The following FNDC1 variants were observed in gnomAD, a reference collection of about 807,000 sequenced individuals.
FNDC1 encodes the protein fibronectin type III domain containing 1.
Under a neutral mutation model 168.0 loss-of-function variants are expected in FNDC1, and 96 were observed. That is an observed-to-expected ratio of 0.57 (90% CI 0.48 to 0.68). The LOEUF is 0.68. Ranked by LOEUF, FNDC1 falls within the 30% of genes least tolerant of loss-of-function variation. The pLI is 0.00. For missense variants in FNDC1, 2,587 were observed against 2,482.1 expected (o/e 1.04, Z -0.90); for synonymous variants, 1,099 against 1,025.9 (o/e 1.07, Z -1.36).
chr6:159,190,949 T>C (rs1398189004), intron 1 of FNDC1, among the ~76,000 whole-genome samples: 3 of 152,212 alleles, frequency 2.0e-5, no homozygotes, highest in Middle Eastern at 3.2e-3. Flanking sequence ...GGGTAATTTA[T>C]GAAGAAAAGA....
intron 1 of FNDC1, among the ~76,000 whole-genome samples, chr6:159,194,123 G>A (rs1348933728): frequency 1.3e-5 from 2 of 152,182 alleles, no homozygotes; most frequent in African/African-American, 4.8e-5. Context: ...CTCAAAGACA[G>A]TCTTGAATGA....
At chr6:159,193,894 A>C (rs1021182539) in intron 1 of FNDC1, among the ~76,000 whole-genome samples, 1 of 152,212 alleles carries the variant, frequency 6.6e-6, no homozygotes, top group African/African-American at 2.4e-5. Flanking sequence ...CATGGGAGCT[A>C]TGGCACAGAA....
At chr6:159,224,584 C>T (rs557777191) in intron 7 of FNDC1, among the ~76,000 whole-genome samples, 18 of 152,206 alleles carry the variant, frequency 1.2e-4, no homozygotes, top group African/African-American at 2.4e-4. Flanking sequence ...TCAGAAGATT[C>T]GTAGCAATTC....
intron 4 of FNDC1, among the ~76,000 whole-genome samples, chr6:159,202,244 A>AC (rs1433180355): frequency 1.3e-5 from 2 of 152,220 alleles, no homozygotes; most frequent in African/African-American, 2.4e-5. Flanking sequence ...GACAACAACA[A>AC]AAAAAACCCA....
intron 5 of FNDC1, 34 bp from the exon 6 acceptor site, chr6:159,221,564 G>T (rs1372438402): frequency 1.3e-6 from 2 of 1,543,060 alleles, no homozygotes; most frequent in South Asian, 2.2e-5. Flanking sequence ...AGAAATGGAA[G>T]TCAGAATCTC....
chr6:159,233,853 A>G lies in FNDC1; in HGVS notation c.3341A>G (p.Glu1114Gly). 3 of 1,545,892 alleles carry G rather than the reference A, an allele frequency of 1.9e-6. No individual in the cohort carries two copies. Among genetic ancestry groups the G allele is most frequent in the Non-Finnish European group, 2.6e-6 (3 of 1,144,734 alleles). ...AASLPKHQQV[E>G]SPTGAGAGGD... ...TCCCTTCCCAAGCACCAGCAGGTGG[A>G]GTCTCCCACAGGCGCAGGGGCAGGT... Residue 1114 changes from glutamate to glycine, a missense_variant, in exon 11 of 23, where the codon GAG (glutamate) becomes GGG (glycine). By Grantham distance (98) the Glu-to-Gly change is moderately conservative. Transcript: ENST00000297267. This position sits in a 1 kb window ranked among gnomAD's most constrained non-coding sequence, Gnocchi z 4.6.
intron 14 of FNDC1, among the ~76,000 whole-genome samples, chr6:159,246,645 C>T (rs992630205): frequency 1.8e-4 from 28 of 152,244 alleles, no homozygotes; most frequent in African/African-American, 6.5e-4. Context: ...AGTCTGGGAA[C>T]GTGGAGTGGG....
chr6:159,200,281 G>T (rs1002778005), intron 3 of FNDC1, among the ~76,000 whole-genome samples, 199 bp downstream of exon 3: 6 of 152,308 alleles, frequency 3.9e-5, no homozygotes, highest in African/African-American at 1.4e-4. Flanking sequence ...TTTAATGTAG[G>T]TTATTAGCAT....
chr6:159,263,888 G>T (rs2115029675), intron 19 of FNDC1, among the ~76,000 whole-genome samples: 1 of 152,356 alleles, frequency 6.6e-6, no homozygotes, highest in African/African-American at 2.4e-5. Flanking sequence ...CTAGGAGGTG[G>T]AGGTTGCAGT....
At chr6:159,200,163 T>A in intron 3 of FNDC1, 81 bp downstream of exon 3, 5 of 1,068,392 alleles carry the variant, frequency 4.7e-6, no homozygotes, top group Non-Finnish European at 7.0e-6. Context: ...TTCCAGTAAA[T>A]ATAAATTTAG....
Position 159,234,422 on chromosome 6 carries a change from C to T in FNDC1, c.3910C>T (p.His1304Tyr). The T allele has an allele frequency of 6.2e-7, 1 of 1,613,644 alleles. No individual in the cohort carries two copies. Among genetic ancestry groups the T allele is most frequent in the Non-Finnish European group, 8.5e-7 (1 of 1,179,884 alleles). ...PMLSLRQRMMHARFRNPLSRQ... is the reference protein window; with the variant it reads ...PMLSLRQRMMYARFRNPLSRQ... ...GCTGTCCTTGCGCCAGAGGATGATG[C>T]ATGCCAGATTCCGTAACCCTCTCTC... Residue 1304 changes from histidine to tyrosine, a missense_variant, in exon 11 of 23, where the codon CAT (histidine) becomes TAT (tyrosine). Physicochemically the swap from His to Tyr is moderately conservative, Grantham distance 83. Transcript: ENST00000297267.
chr6:159,245,241 G>A (rs1220331102), intron 14 of FNDC1, among the ~76,000 whole-genome samples: 1 of 152,118 alleles, frequency 6.6e-6, no homozygotes, highest in Non-Finnish European at 1.5e-5. Context: ...GATTTGGGTG[G>A]GGATACAGCC....
intron 2 of FNDC1, among the ~76,000 whole-genome samples, chr6:159,198,243 T>C (rs898133192): frequency 2.0e-5 from 3 of 152,210 alleles, no homozygotes; most frequent in African/African-American, 7.2e-5. Context: ...TCCAGTAACC[T>C]AAAGCCCCAT....
intron 4 of FNDC1, among the ~76,000 whole-genome samples, chr6:159,213,914 T>C (rs1365475449): frequency 6.6e-6 from 1 of 152,172 alleles, no homozygotes; most frequent in Admixed American, 6.5e-5. Context: ...CAAAGGCTAT[T>C]GATTTATGTG....
At chr6:159,186,736 G>A (rs2114931665) in intron 1 of FNDC1, among the ~76,000 whole-genome samples, 1 of 152,348 alleles carries the variant, frequency 6.6e-6, no homozygotes, top group African/African-American at 2.4e-5. Context: ...ACGCGTGGAG[G>A]TGGTGGTGGC....
chr6:159,267,553 A>C (rs1447774887), intron 21 of FNDC1, among the ~76,000 whole-genome samples: 1 of 152,142 alleles, frequency 6.6e-6, no homozygotes, highest in Non-Finnish European at 1.5e-5. Context: ...GAAACTGCCT[A>C]TAGTGTTAAT....
chr6:159,197,364 AC>A (rs1782267013), intron 1 of FNDC1, 66 bp from the exon 2 acceptor site: 18 of 1,404,940 alleles, frequency 1.3e-5, no homozygotes, highest in Non-Finnish European at 1.6e-5. Flanking sequence ...AATATCAAAG[AC>A]GATTAAAAAA....
At chr6:159,260,354 A>G (rs1346883056) in intron 18 of FNDC1, among the ~76,000 whole-genome samples, 2 of 152,212 alleles carry the variant, frequency 1.3e-5, no homozygotes, top group Admixed American at 6.5e-5. Flanking sequence ...AAGAATGCAA[A>G]TAACATGCTT....
chr6:159,220,047 T>C (rs1782787873), intron 5 of FNDC1, among the ~76,000 whole-genome samples: 1 of 152,218 alleles, frequency 6.6e-6, no homozygotes, highest in African/African-American at 2.4e-5. Context: ...TAAAATCTTC[T>C]GGTAGAATAA....
Sources: gnomAD v4.1 joint callset for allele counts (sites outside exome capture counted in the v4.1 genomes callset) on GRCh38, gnomAD v4.1.1 for gene constraint, Gnocchi (gnomAD v3.1) non-coding constraint, MANE v1.5 for transcripts, NCBI Gene and HGNC (gene_info 2026-07-23, HGNC 2026-07-21) for gene names.